Variants in LRIF1 observed in about 807,000 individuals in gnomAD.
LRIF1 encodes the protein ligand dependent nuclear receptor interacting factor 1, also known as ligand-dependent nuclear receptor-interacting factor 1.
LRIF1 carries 32 observed loss-of-function variants against 52.7 expected under a neutral mutation model. The ratio of observed to expected loss-of-function variants is 0.61; its 90% CI spans 0.46 to 0.82. The LOEUF (loss-of-function observed/expected upper bound fraction) is 0.82, where lower values mean the gene tolerates loss of function less well. Among genes scored for constraint, LRIF1 ranks in the 40% least tolerant of loss-of-function variants. The pLI, the probability that LRIF1 is intolerant of heterozygous loss-of-function variation, is 0.00. For synonymous variants in LRIF1, 323 were observed against 317.4 expected (o/e 1.02, Z -0.19); for missense variants, 887 against 892.0 (o/e 0.99, Z 0.07).
chr1:110,956,289 ACAC>A (rs1378101346), intron 1 of LRIF1, among the ~76,000 whole-genome samples: 1 of 152,208 alleles, frequency 6.6e-6, no homozygotes, highest in African/African-American at 2.4e-5. Context: ...TTTTCTTGTC[ACAC>A]CAAGCACAGA....
the LRIF1 span, chr1:110,892,253 T>G: frequency 1.1e-6 from 1 of 937,324 alleles, no homozygotes; most frequent in African/African-American, 1.6e-5. Flanking sequence ...CAGTTAAAAA[T>G]AAAGTGATTC....
the LRIF1 span, chr1:110,896,746 G>T: frequency 1.9e-6 from 3 of 1,609,068 alleles, no homozygotes; most frequent in Non-Finnish European, 2.5e-6. Context: ...AATTTTGTCG[G>T]CAATGTTTCT....
chr1:110,891,290 C>T, the LRIF1 span: 2 of 838,554 alleles, frequency 2.4e-6, no homozygotes, highest in Admixed American at 3.8e-5. Flanking sequence ...AGCCACAGCT[C>T]AAACCCAAGG....
At chr1:110,913,945 G>A in the LRIF1 span, among the ~76,000 whole-genome samples, 2 of 152,180 alleles carry the variant, frequency 1.3e-5, no homozygotes, top group South Asian at 4.1e-4. Context: ...TATACACTAT[G>A]GAATACAACA....
the LRIF1 span, chr1:110,898,025 C>G: frequency 2.0e-6 from 1 of 503,998 alleles, no homozygotes; most frequent in Non-Finnish European, 3.5e-6. Flanking sequence ...ATTCCCCCAG[C>G]CAAGTAGCAA....
At chr1:110,877,371 A>AGCC in the LRIF1 span, among the ~76,000 whole-genome samples, 96 of 152,336 alleles carry the variant, frequency 6.3e-4, 1 homozygote, top group Non-Finnish European at 1.2e-3. Flanking sequence ...CACCATGGAC[A>AGCC]GGCCTCTAGC....
At chr1:110,898,599 T>A in the LRIF1 span, among the ~76,000 whole-genome samples, 3 of 152,112 alleles carry the variant, frequency 2.0e-5, no homozygotes, top group African/African-American at 7.2e-5. Context: ...AATTTCCTCT[T>A]TGTTTCTGTG....
the LRIF1 span, among the ~76,000 whole-genome samples, chr1:110,886,472 C>G: frequency 6.6e-6 from 1 of 151,998 alleles, no homozygotes; most frequent in African/African-American, 2.4e-5. Context: ...CTCTTCTCTC[C>G]TCAATTTTAG....
intron 1 of LRIF1, among the ~76,000 whole-genome samples, chr1:110,957,470 C>CAAAAAAAAAAAAAA (rs34396800): frequency 2.8e-4 from 12 of 42,790 alleles, no homozygotes; most frequent in East Asian, 9.1e-4. Context: ...GACTCAGTCT[C>CAAAAAAAAAAAAAA]AAAAAAAAAA....
chr1:110,958,653 T>A (rs560574422), intron 1 of LRIF1, among the ~76,000 whole-genome samples: 1 of 152,236 alleles, frequency 6.6e-6, no homozygotes, highest in South Asian at 2.1e-4. Flanking sequence ...TTTTCCTCTA[T>A]TTCACCTCCA....
the LRIF1 span, chr1:110,895,127 TC>T: frequency 1.9e-5 from 22 of 1,129,240 alleles, 1 homozygote; most frequent in Non-Finnish European, 3.0e-5. Context: ...GGGGGCTAGT[TC>T]CTTTTTCTGG....
the LRIF1 span, among the ~76,000 whole-genome samples, chr1:110,901,489 T>TTA: frequency 2.0e-5 from 3 of 148,738 alleles, no homozygotes; most frequent in Non-Finnish European, 4.5e-5. Context: ...TTTTTTTTTT[T>TTA]TTTTTTTAGA....
chr1:110,928,707 A>G, the LRIF1 span, among the ~76,000 whole-genome samples: 2 of 152,130 alleles, frequency 1.3e-5, no homozygotes, highest in Non-Finnish European at 2.9e-5. Flanking sequence ...TAGAAGAGGA[A>G]CTTTCCAGAG....
rs556750397 is a variant in LRIF1 at position 110,961,549 on chromosome 1, T to C, written c.68+2072A>G. Among the ~76,000 whole-genome samples the C allele has an allele frequency of 6.6e-5, 10 of 152,352 alleles. No individual in the cohort carries two copies. The East Asian group carries it at 1.5e-3, about 23-fold the overall frequency. On this transcript the variant is annotated intron_variant, in intron 1 of 3. Coordinates refer to ENST00000369763, the MANE Select transcript of LRIF1 (RefSeq NM_018372.4). ...GATTAAATTTGGGTTTTACATGTGA[T>C]GTTCTGATGAATTAAGAGATACTTC...
chr1:110,902,103 C>T, the LRIF1 span, among the ~76,000 whole-genome samples: 1 of 151,744 alleles, frequency 6.6e-6, no homozygotes, highest in Non-Finnish European at 1.5e-5. Context: ...CTAGTATTCA[C>T]CATTGGCCCT....
the LRIF1 span, among the ~76,000 whole-genome samples, chr1:110,897,129 G>C: frequency 6.6e-6 from 1 of 152,196 alleles, no homozygotes; most frequent in Middle Eastern, 3.2e-3. Flanking sequence ...GGAGATGGCA[G>C]AATCCAGCCC....
At chr1:110,920,254 C>A in the LRIF1 span, among the ~76,000 whole-genome samples, 1 of 152,126 alleles carries the variant, frequency 6.6e-6, no homozygotes, top group African/African-American at 2.4e-5. Flanking sequence ...ATGTTTATAA[C>A]AACTTTATTA....
intron 1 of LRIF1, among the ~76,000 whole-genome samples, chr1:110,953,610 C>T (rs1207674448): frequency 6.6e-6 from 1 of 152,106 alleles, no homozygotes; most frequent in African/African-American, 2.4e-5. Context: ...TTAGTATAGA[C>T]TGTCTAATCT....
At chr1:110,884,624 A>G in the LRIF1 span, among the ~76,000 whole-genome samples, 2 of 152,102 alleles carry the variant, frequency 1.3e-5, no homozygotes, top group African/African-American at 4.8e-5. Flanking sequence ...TCTGTCTCAT[A>G]AATTTTGACT....
Sources: gnomAD v4.1 joint callset for allele counts (sites outside exome capture counted in the v4.1 genomes callset) on GRCh38, gnomAD v4.1.1 for gene constraint, MANE v1.5 for transcripts, NCBI Gene and HGNC (gene_info 2026-07-23, HGNC 2026-07-21) for gene names.